The following OPCML variants were observed in gnomAD, a reference collection of about 807,000 sequenced individuals.
OPCML encodes opioid-binding protein/cell adhesion molecule.
Under a neutral mutation model 37.8 loss-of-function variants are expected in OPCML, and 13 were observed. The ratio of observed to expected loss-of-function variants is 0.34; its 90% CI spans 0.22 to 0.55. OPCML has a LOEUF of 0.55. Among genes scored for constraint, OPCML ranks in the 20% least tolerant of loss-of-function variants. OPCML has a pLI of 0.91. For synonymous variants in OPCML, 176 were observed against 168.8 expected (o/e 1.04, Z -0.33); for missense variants, 341 against 435.6 (o/e 0.78, Z 1.93).
chr11:133,496,381 A>G (rs1947787660), intron 1 of OPCML, among the ~76,000 whole-genome samples: 2 of 152,096 alleles, frequency 1.3e-5, no homozygotes, highest in Non-Finnish European at 2.9e-5. Context: ...TTGGCTATGC[A>G]GGTTATTTTT....
intron 1 of OPCML, among the ~76,000 whole-genome samples, chr11:133,097,789 G>T (rs554380832): frequency 6.6e-6 from 1 of 152,272 alleles, no homozygotes; most frequent in East Asian, 1.9e-4. Flanking sequence ...TTTCTTGAAA[G>T]ATATGTCTGC....
intron 4 of OPCML, among the ~76,000 whole-genome samples, chr11:132,455,984 G>C (rs1312692094): frequency 6.6e-6 from 1 of 152,046 alleles, no homozygotes; most frequent in African/African-American, 2.4e-5. Context: ...AAATTTTATC[G>C]AGTTGCAAAA....
intron 1 of OPCML, among the ~76,000 whole-genome samples, chr11:133,291,637 ATT>A (rs765846552): frequency 7.2e-5 from 11 of 152,012 alleles, no homozygotes; most frequent in Non-Finnish European, 1.5e-4. Context: ...ACTGCTTCTT[ATT>A]TTTTTGGCAA....
At chr11:133,067,249 C>T (rs1282925829) in intron 1 of OPCML, 1 of 152,132 alleles carries the variant, frequency 6.6e-6, no homozygotes, top group African/African-American at 2.4e-5. Context: ...GAGATGAAGT[C>T]ACTGTCATTT....
intron 1 of OPCML, among the ~76,000 whole-genome samples, chr11:133,406,172 A>G (rs1317918432): frequency 2.0e-5 from 3 of 152,158 alleles, no homozygotes; most frequent in Non-Finnish European, 4.4e-5. Flanking sequence ...AATTCAGTGC[A>G]CATTTCTCTA....
chr11:133,463,775 A>G (rs1008383762), intron 1 of OPCML, among the ~76,000 whole-genome samples: 6 of 152,280 alleles, frequency 3.9e-5, no homozygotes, highest in Admixed American at 2.0e-4. Flanking sequence ...TGGTTCTCCA[A>G]AAAAAGTTTT....
At chr11:132,854,822 G>A (rs11223249) in intron 2 of OPCML, among the ~76,000 whole-genome samples, 40,313 of 152,142 alleles carry the variant, frequency 0.26, 5,803 homozygotes, top group African/African-American at 0.38. Context: ...TGTGGGACAT[G>A]TTGAAACTGC....
Position 133,229,601 on chromosome 11 carries a change from A to T in OPCML, c.62-286591T>A, listed in dbSNP as rs184430980. Among the ~76,000 whole-genome samples the T allele has an allele frequency of 2.8e-3, 432 of 152,172 alleles. 4 individuals carry two copies. The highest frequency in any genetic ancestry group is 6.8e-3 in the Middle Eastern group (2 of 294). ...GTTCTCAAATTAATAGGAAGACAAA[A>T]AAAATTGTATGCTGAGGTTACCAAG... On this transcript the variant is annotated intron_variant, in intron 1 of 7. Coordinates refer to ENST00000524381, the MANE Select transcript of OPCML (RefSeq NM_001012393.5).
chr11:132,727,148 T>C (rs1944914650), intron 2 of OPCML, among the ~76,000 whole-genome samples: 1 of 152,128 alleles, frequency 6.6e-6, no homozygotes, highest in African/African-American at 2.4e-5. Context: ...TTTCTCATCC[T>C]TCTGGAGAAG....
intron 1 of OPCML, among the ~76,000 whole-genome samples, chr11:133,170,132 C>T (rs1950268207): frequency 6.6e-6 from 1 of 152,198 alleles, no homozygotes; most frequent in Non-Finnish European, 1.5e-5. Flanking sequence ...ATCTACCTAA[C>T]TACCTGTCTG....
At chr11:133,235,147 C>T (rs1434862194) in intron 1 of OPCML, among the ~76,000 whole-genome samples, 3 of 151,984 alleles carry the variant, frequency 2.0e-5, no homozygotes, top group East Asian at 3.9e-4. Context: ...ATTCCTTTCC[C>T]CACCCAACCA....
At chr11:132,523,267 C>G (rs2096298768) in intron 4 of OPCML, among the ~76,000 whole-genome samples, 1 of 151,794 alleles carries the variant, frequency 6.6e-6, no homozygotes, top group Admixed American at 6.6e-5. Context: ...ACTGCCTAAC[C>G]AGGTGATAAC....
rs1420336515 is a variant in OPCML at position 133,208,324 on chromosome 11, T to C, written c.62-265314A>G. On this transcript the variant is annotated intron_variant, in intron 1 of 7. Coordinates refer to ENST00000524381, the MANE Select transcript of OPCML (RefSeq NM_001012393.5). This position sits in a 1 kb window ranked among gnomAD's most constrained non-coding sequence, Gnocchi z 8.9. ...TGCGGGACAGAAGCCTACACTACCG[T>C]GTGTTCTACTACATTCAGTATCATT... Among the ~76,000 whole-genome samples, 1 of 152,150 alleles carries C rather than the reference T, an allele frequency of 6.6e-6. No homozygotes were observed. Among genetic ancestry groups the C allele is most frequent in the East Asian group, 1.9e-4 (1 of 5,186 alleles).
At chr11:133,399,077 AC>A (rs1945346703) in intron 1 of OPCML, among the ~76,000 whole-genome samples, 1 of 152,330 alleles carries the variant, frequency 6.6e-6, no homozygotes, top group South Asian at 2.1e-4. Flanking sequence ...ATTATTTGTT[AC>A]TTGCTTCCCT....
rs1025109836 is a variant in OPCML, at chr11:132,910,306, C to T, written c.146+32620G>A. ...GCCGGCCATTATGCCCCCACAGGGG[C>T]AGGCCGGGCCCCAGAGCAGCCTGAA... On this transcript the variant is annotated intron_variant, in intron 2 of 7. Coordinates refer to ENST00000524381, the MANE Select transcript of OPCML (RefSeq NM_001012393.5). Among the ~76,000 whole-genome samples the T allele has an allele frequency of 2.0e-5, 3 of 152,246 alleles. No homozygotes were observed. In the East Asian group the frequency reaches 5.8e-4, roughly 29 times the overall value.
chr11:132,730,693 C>T (rs1192929827), intron 2 of OPCML, among the ~76,000 whole-genome samples: 1 of 151,978 alleles, frequency 6.6e-6, no homozygotes, highest in Non-Finnish European at 1.5e-5. Context: ...CATAAATCAG[C>T]TGGAAATGTG....
Position 132,979,351 on chromosome 11 carries a change from T to C in OPCML, c.62-36341A>G, listed in dbSNP as rs1946534416. On this transcript the variant is annotated intron_variant, in intron 1 of 7. Transcript: ENST00000524381. ...CTCGTGTGACGTGGCTCCTCATCCC[T>C]GTCTGACCTCTCCTCCTCTCCCACA... Among the ~76,000 whole-genome samples, 3 of 152,338 alleles carry C rather than the reference T, an allele frequency of 2.0e-5. No homozygotes were observed. In the South Asian group the frequency reaches 6.2e-4, roughly 32 times the overall value.
intron 1 of OPCML, among the ~76,000 whole-genome samples, chr11:133,082,753 C>T (rs1376247375): frequency 6.8e-6 from 1 of 146,522 alleles, no homozygotes; most frequent in Non-Finnish European, 1.5e-5. Flanking sequence ...CGTCCCGCCG[C>T]TGCGGACCCC....
intron 1 of OPCML, among the ~76,000 whole-genome samples, chr11:133,412,729 A>C (rs79170994): frequency 6.6e-6 from 1 of 152,066 alleles, no homozygotes; most frequent in Non-Finnish European, 1.5e-5. Context: ...CCTGATTTTG[A>C]AAAGGAAAGT....
Sources: gnomAD v4.1 joint callset for allele counts (sites outside exome capture counted in the v4.1 genomes callset) on GRCh38, gnomAD v4.1.1 for gene constraint, Gnocchi (gnomAD v3.1) non-coding constraint, MANE v1.5 for transcripts, NCBI Gene and HGNC (gene_info 2026-07-23, HGNC 2026-07-21) for gene names.